Variants in B3GALT1 observed in about 807,000 individuals in gnomAD.
B3GALT1 encodes the protein beta-1,3-galactosyltransferase 1, also known as UDP-Gal:betaGlcNAc beta 1,3-galactosyltransferase, polypeptide 1.
In B3GALT1, 10 loss-of-function variants were observed where a neutral mutation model predicts 23.2. That is an observed-to-expected ratio of 0.43 (90% CI 0.27 to 0.73). The LOEUF (loss-of-function observed/expected upper bound fraction) is 0.73. B3GALT1 is among the 30% of genes least tolerant of loss of function. The pLI, the probability that B3GALT1 is intolerant of heterozygous loss-of-function variation, is 0.21. For synonymous variants in B3GALT1, 156 were observed against 141.5 expected (o/e 1.10, Z -0.73); for missense variants, 299 against 405.4 (o/e 0.74, Z 2.25).
At chr2:167,673,319 T>TA (rs1436262889) in intron 3 of B3GALT1, among the ~76,000 whole-genome samples, 1 of 152,022 alleles carries the variant, frequency 6.6e-6, no homozygotes, top group Non-Finnish European at 1.5e-5. Context: ...ATGTGCAGAA[T>TA]AAAAAATTGA....
chr2:167,764,444 A>G (rs1343654258), intron 3 of B3GALT1, among the ~76,000 whole-genome samples: 1 of 152,220 alleles, frequency 6.6e-6, no homozygotes, highest in African/African-American at 2.4e-5. Flanking sequence ...TGCTTACTGA[A>G]TCCCAGAGAC....
At position 167,466,310 on chromosome 2, in the gene B3GALT1, G is replaced by A. The variant is rs537471663; in HGVS notation, c.-510-23867G>A. On this transcript the variant is annotated intron_variant, in intron 1 of 4. Transcript: ENST00000392690. ...ATTAAGAAATTTTCATGTTATTTACGAATATTTCAAGAAAGATGGTCTTGA... is the reference window on the plus strand; with the variant it reads ...ATTAAGAAATTTTCATGTTATTTACAAATATTTCAAGAAAGATGGTCTTGA... 2.8e-4 allele frequency among the ~76,000 whole-genome samples: 43 copies of A among 152,108 alleles called. 1 individual carries two copies. The highest frequency in any genetic ancestry group is 9.9e-4 in the African/African-American group (41 of 41,512).
intron 3 of B3GALT1, among the ~76,000 whole-genome samples, chr2:167,679,459 G>A (rs925431220): frequency 6.6e-6 from 1 of 152,102 alleles, no homozygotes; most frequent in African/African-American, 2.4e-5. Flanking sequence ...TCTCCATGTT[G>A]GTCAGGCTGG....
At chr2:167,619,668 C>T (rs1685223193) in intron 2 of B3GALT1, among the ~76,000 whole-genome samples, 1 of 152,082 alleles carries the variant, frequency 6.6e-6, no homozygotes, top group Non-Finnish European at 1.5e-5. Flanking sequence ...TATGGCAATT[C>T]TACCACACAT....
chr2:167,531,883 A>G (rs1049044868), intron 2 of B3GALT1, among the ~76,000 whole-genome samples: 7 of 152,148 alleles, frequency 4.6e-5, no homozygotes, highest in East Asian at 1.9e-4. Flanking sequence ...TTTTGGCTCA[A>G]TGGGTTTTTT....
At chr2:167,862,841 C>CACTA (rs1472200360) in intron 4 of B3GALT1, 1 of 152,188 alleles carries the variant, frequency 6.6e-6, no homozygotes, top group East Asian at 1.9e-4. Flanking sequence ...AATTCTGCCC[C>CACTA]ACTAACTTCC....
chr2:167,515,613 C>T (rs1421661503), intron 2 of B3GALT1, among the ~76,000 whole-genome samples: 1 of 151,992 alleles, frequency 6.6e-6, no homozygotes, highest in Non-Finnish European at 1.5e-5. Flanking sequence ...AAGCCACTTC[C>T]ATTATTGTTT....
At chr2:167,342,130 A>C (rs1258356673) in intron 1 of B3GALT1, among the ~76,000 whole-genome samples, 1 of 152,218 alleles carries the variant, frequency 6.6e-6, no homozygotes, top group Non-Finnish European at 1.5e-5. Flanking sequence ...TGCTCTAAGC[A>C]ATGGAAAATT....
intron 1 of B3GALT1, among the ~76,000 whole-genome samples, chr2:167,319,904 C>T (rs1307106355): frequency 6.6e-6 from 1 of 151,998 alleles, no homozygotes; most frequent in Non-Finnish European, 1.5e-5. Flanking sequence ...AGAACACAGG[C>T]TCAGTAGTTA....
chr2:167,589,624 C>G (rs1684641062), intron 2 of B3GALT1, among the ~76,000 whole-genome samples: 1 of 152,076 alleles, frequency 6.6e-6, no homozygotes, highest in African/African-American at 2.4e-5. Context: ...AATTGATTCT[C>G]TTTCTGAACT....
Position 167,408,063 on chromosome 2 carries a change from CACACACACAG to C in B3GALT1, c.-510-82106_-510-82097del, listed in dbSNP as rs1172160570. ...ACACACACACACACACACACACACACACACACACAGACACACAAAACTACAGGCCAATATC... is the reference window on the plus strand; with the variant it reads ...ACACACACACACACACACACACACACACACACAAAACTACAGGCCAATATC... On this transcript the variant is annotated intron_variant, in intron 1 of 4. Coordinates refer to ENST00000392690, the MANE Select transcript of B3GALT1 (RefSeq NM_020981.4). Among the ~76,000 whole-genome samples, 82 of 127,454 alleles carry C rather than the reference CACACACACAG, an allele frequency of 6.4e-4. 1 individual carries two copies. Among genetic ancestry groups the C allele is most frequent in the African/African-American group, 2.3e-3 (76 of 33,236 alleles). The allele number at this position is 127,454 out of a possible 152,430, so 83.6% of individuals were successfully genotyped here. A position where few individuals can be genotyped will look rare whatever the true frequency, so the allele number is the denominator to read the frequency against.
Position 167,823,770 on chromosome 2 carries a change from A to T in B3GALT1, c.-230+4977A>T, listed in dbSNP as rs77150199. ...ATCCACTAAACTCATCACACTGCTG[A>T]ATATGCTGTCAGCATATCACCCAGG... On this transcript the variant is annotated intron_variant, in intron 4 of 4. Transcript: ENST00000392690. Among the ~76,000 whole-genome samples, 279 of 152,350 alleles carry T rather than the reference A, an allele frequency of 1.8e-3. 1 individual carries two copies. The highest frequency in any genetic ancestry group is 6.4e-3 in the African/African-American group (265 of 41,590).
chr2:167,322,417 T>G (rs113383252), intron 1 of B3GALT1, among the ~76,000 whole-genome samples: 1 of 151,884 alleles, frequency 6.6e-6, no homozygotes, highest in Non-Finnish European at 1.5e-5. Flanking sequence ...TGTAACATTT[T>G]AAAAAATTAA....
intron 2 of B3GALT1, among the ~76,000 whole-genome samples, chr2:167,499,523 G>A (rs1699822933): frequency 1.3e-5 from 2 of 152,114 alleles, no homozygotes; most frequent in African/African-American, 4.8e-5. Context: ...GAAGAGAATT[G>A]AATTTCTATA....
intron 4 of B3GALT1, among the ~76,000 whole-genome samples, chr2:167,832,808 T>C (rs184627340): frequency 1.2e-4 from 18 of 152,292 alleles, no homozygotes; most frequent in Admixed American, 1.0e-3. Flanking sequence ...CAAGTGAGGG[T>C]AGTGCAGTGT....
chr2:167,429,588 A>C (rs761743404), intron 1 of B3GALT1, among the ~76,000 whole-genome samples: 2 of 152,322 alleles, frequency 1.3e-5, no homozygotes, highest in Non-Finnish European at 2.9e-5. Flanking sequence ...TTTAAAAGAA[A>C]AAATAAGCAC....
intron 3 of B3GALT1, among the ~76,000 whole-genome samples, chr2:167,649,016 CTA>C (rs1685807986): frequency 1.3e-5 from 2 of 152,110 alleles, no homozygotes; most frequent in South Asian, 4.1e-4. Context: ...CTTGCTCAAA[CTA>C]TATAGTGTCA....
chr2:167,437,352 C>A (rs1698806426), intron 1 of B3GALT1, among the ~76,000 whole-genome samples: 1 of 152,164 alleles, frequency 6.6e-6, no homozygotes, highest in Non-Finnish European at 1.5e-5. Context: ...TCAATTCTTC[C>A]TGTTTAAATT....
At chr2:167,756,938 A>G (rs905146194) in intron 3 of B3GALT1, among the ~76,000 whole-genome samples, 3 of 152,128 alleles carry the variant, frequency 2.0e-5, no homozygotes, top group African/African-American at 7.2e-5. Context: ...AGGTGGTGGG[A>G]TGGAGCAATA....
Sources: gnomAD v4.1 joint callset for allele counts (sites outside exome capture counted in the v4.1 genomes callset) on GRCh38, gnomAD v4.1.1 for gene constraint, MANE v1.5 for transcripts, NCBI Gene and HGNC (gene_info 2026-07-23, HGNC 2026-07-21) for gene names.